DMD: variants seen among roughly 807,000 people sequenced by gnomAD.
The protein encoded by DMD is mutant dystrophin.
Under a neutral mutation model 330.1 loss-of-function variants are expected in DMD, and 63 were observed. The observed-to-expected ratio is 0.19, with a 90% CI of 0.16 to 0.24. DMD has a LOEUF of 0.24. Ranked by LOEUF, DMD falls within the 10% of genes least tolerant of loss-of-function variation. The pLI is 1.00. For synonymous variants in DMD, 1,223 were observed against 959.8 expected, an observed-to-expected ratio of 1.27 and a Z score of -5.07; for missense variants, 3,344 against 2,684.1, an observed-to-expected ratio of 1.25 and a Z score of -5.43.
chrX:33,331,381 T>A (rs1437766925), intron 1 of DMD, among the ~76,000 whole-genome samples: 1 of 112,024 alleles, frequency 8.9e-6, no homozygotes, highest in Non-Finnish European at 1.9e-5. Context: ...TTAGCATTAG[T>A]GTCACTTTCA....
intron 9 of DMD, among the ~76,000 whole-genome samples, chrX:32,667,529 C>G (rs1183165384): frequency 9.0e-6 from 1 of 111,248 alleles, no homozygotes; most frequent in Non-Finnish European, 1.9e-5. Context: ...TTCATTGGAC[C>G]TTAAGTGCCA....
chrX:32,541,990 T>C (rs1412923593), intron 17 of DMD, among the ~76,000 whole-genome samples: 1 of 111,759 alleles, frequency 8.9e-6, no homozygotes, highest in Non-Finnish European at 1.9e-5. Context: ...TGATGAACAT[T>C]GAGGCAGTTG....
At chrX:32,929,134 T>A (rs1256113418) in intron 2 of DMD, among the ~76,000 whole-genome samples, 2 of 111,244 alleles carry the variant, frequency 1.8e-5, no homozygotes, top group African/African-American at 3.3e-5. Flanking sequence ...AGCTGGTTTA[T>A]GTGGGAGTAG....
intron 41 of DMD, among the ~76,000 whole-genome samples, chrX:32,319,630 G>C (rs972880020): frequency 2.7e-5 from 3 of 111,215 alleles, no homozygotes; most frequent in Non-Finnish European, 5.7e-5. Context: ...TCAATTCATA[G>C]CACATTAGCT....
chrX:31,183,923 T>C (rs1441751923), intron 67 of DMD, among the ~76,000 whole-genome samples: 4 of 110,035 alleles, frequency 3.6e-5, no homozygotes, highest in Non-Finnish European at 7.6e-5. Context: ...ATTTTTTTTT[T>C]TTTTGAGACT....
intron 64 of DMD, among the ~76,000 whole-genome samples, chrX:31,218,854 T>A (rs1664066240): frequency 9.0e-6 from 1 of 111,239 alleles, no homozygotes; most frequent in South Asian, 3.9e-4. Flanking sequence ...GGGTTCACGG[T>A]CCTTCTCTTT....
intron 1 of DMD, among the ~76,000 whole-genome samples, chrX:33,109,556 A>C (rs1028190288): frequency 2.7e-4 from 28 of 105,240 alleles, no homozygotes; most frequent in Admixed American, 8.7e-4. Flanking sequence ...ATTATAACTG[A>C]ATAACAGCCG....
chrX:32,302,411 C>A (rs2097526780), intron 42 of DMD, among the ~76,000 whole-genome samples: 1 of 111,143 alleles, frequency 9.0e-6, no homozygotes, highest in African/African-American at 3.3e-5. Flanking sequence ...AGTCAAGGAA[C>A]ATTCTGTACA....
intron 1 of DMD, among the ~76,000 whole-genome samples, chrX:33,049,499 C>T (rs148387627): frequency 9.1e-6 from 1 of 110,390 alleles, no homozygotes; most frequent in Non-Finnish European, 1.9e-5. Context: ...TCAAGTCTCT[C>T]GAAAGGAAAG....
chrX:32,091,429 A>G (rs1033251044), intron 44 of DMD, among the ~76,000 whole-genome samples: 8 of 112,024 alleles, frequency 7.1e-5, no homozygotes, highest in African/African-American at 2.6e-4. Context: ...TGAAAGCTCA[A>G]CATCAATAAA....
chrX:32,073,449 C>G (rs911855823), intron 44 of DMD, among the ~76,000 whole-genome samples: 1 of 111,394 alleles, frequency 9.0e-6, no homozygotes, highest in African/African-American at 3.3e-5. Flanking sequence ...ATATTATAAA[C>G]ATTATGGCTA....
At chrX:32,598,048 T>C (rs984721915) in intron 12 of DMD, among the ~76,000 whole-genome samples, 2 of 112,147 alleles carry the variant, frequency 1.8e-5, no homozygotes, top group Non-Finnish European at 3.8e-5. Context: ...AGGGAACTTA[T>C]TAGGATGGCT....
At chrX:32,261,033 T>G (rs2097321171) in intron 43 of DMD, among the ~76,000 whole-genome samples, 2 of 111,672 alleles carry the variant, frequency 1.8e-5, no homozygotes, top group South Asian at 7.4e-4. Flanking sequence ...GTGGGACACA[T>G]AAAATTGTAA....
chrX:31,790,587 C>T (rs2091521473), intron 50 of DMD, among the ~76,000 whole-genome samples: 1 of 111,318 alleles, frequency 9.0e-6, no homozygotes. Flanking sequence ...TTATACTGTA[C>T]ATTCTAAACC....
chrX:33,109,094 A>T (rs1307104048), intron 1 of DMD, among the ~76,000 whole-genome samples: 4 of 109,537 alleles, frequency 3.7e-5, no homozygotes, highest in Admixed American at 1.0e-4. Flanking sequence ...AGTATAGTTC[A>T]TCCTGGAATA....
intron 44 of DMD, among the ~76,000 whole-genome samples, chrX:32,197,213 TA>T (rs984489877): frequency 9.1e-6 from 1 of 110,401 alleles, no homozygotes; most frequent in Non-Finnish European, 1.9e-5. Flanking sequence ...TATATATTTG[TA>T]GGGTACATGA....
chrX:32,880,030 T>TAA (rs78543412), intron 2 of DMD, among the ~76,000 whole-genome samples: 3 of 109,490 alleles, frequency 2.7e-5, no homozygotes, highest in African/African-American at 6.7e-5. Context: ...ATGCAAAACA[T>TAA]AAAAAAAAAC....
chrX:31,453,788 A>AAAAAAAAAAAAAAAAT (rs1556646267), intron 59 of DMD, among the ~76,000 whole-genome samples: 1 of 105,013 alleles, frequency 9.5e-6, no homozygotes, highest in African/African-American at 3.5e-5. Context: ...AAAAAAAAAA[A>AAAAAAAAAAAAAAAAT]AACCACAAAA....
intron 9 of DMD, among the ~76,000 whole-genome samples, chrX:32,684,426 C>G (rs2062696814): frequency 9.0e-6 from 1 of 111,264 alleles, no homozygotes; most frequent in African/African-American, 3.3e-5. Context: ...ATGGTGATCA[C>G]TATTCAAGTG....
Sources: gnomAD v4.1 joint callset for allele counts (sites outside exome capture counted in the v4.1 genomes callset) on GRCh38, gnomAD v4.1.1 for gene constraint, MANE v1.5 for transcripts, NCBI Gene and HGNC (gene_info 2026-07-23, HGNC 2026-07-21) for gene names.